Variants in HSD17B4 observed in about 807,000 individuals in gnomAD.
HSD17B4 encodes peroxisomal multifunctional enzyme type 2.
A neutral mutation model predicts 101.0 loss-of-function variants in HSD17B4; 70 were observed. The observed-to-expected ratio is 0.69, with a 90% CI of 0.57 to 0.85. The LOEUF (loss-of-function observed/expected upper bound fraction) is 0.85, where lower values mean the gene tolerates loss of function less well. Ranked by LOEUF, HSD17B4 falls within the 40% of genes least tolerant of loss-of-function variation. HSD17B4 has a pLI of 0.00. For missense variants in HSD17B4, 984 were observed against 892.4 expected (o/e 1.10, Z -1.31); for synonymous variants, 347 against 297.1 (o/e 1.17, Z -1.73).
intron 16 of HSD17B4, among the ~76,000 whole-genome samples, chr5:119,510,223 A>G (rs1007136921): frequency 3.9e-5 from 6 of 152,154 alleles, no homozygotes; most frequent in Admixed American, 1.3e-4. Flanking sequence ...AATTATGGGA[A>G]TATTTGTTAT....
rs1406515288 is a variant in HSD17B4, at chr5:119,452,827, G to T, written c.58+194G>T. ...ACACCTGGTCTCTCAAGCAGGTACA[G>T]CCCGCTTCTCCCCAGCACCCCGGTG... is the stretch of plus-strand genomic sequence containing the variant. On this transcript the variant is annotated intron_variant, in intron 1 of 23. Transcript: ENST00000510025. The T allele has an allele frequency of 2.6e-6, 4 of 1,535,990 alleles. No homozygotes were observed. The highest frequency in any genetic ancestry group is 3.5e-6 in the Non-Finnish European group (4 of 1,147,032).
intron 17 of HSD17B4, among the ~76,000 whole-genome samples, chr5:119,519,760 C>G (rs1273969057): frequency 6.6e-6 from 1 of 152,190 alleles, no homozygotes; most frequent in Non-Finnish European, 1.5e-5. Context: ...GAAAGCAACA[C>G]AAGCATTCAT....
intron 12 of HSD17B4, among the ~76,000 whole-genome samples, chr5:119,497,607 T>G (rs1750764505): frequency 6.6e-6 from 1 of 152,178 alleles, no homozygotes; most frequent in Admixed American, 6.5e-5. Flanking sequence ...CTAATGCCCA[T>G]AAGGCTTTAA....
At chr5:119,537,857 T>G (rs1754661470) in intron 23 of HSD17B4, among the ~76,000 whole-genome samples, 1 of 152,064 alleles carries the variant, frequency 6.6e-6, no homozygotes, top group Non-Finnish European at 1.5e-5. Flanking sequence ...TGCCAACCCT[T>G]GAGTTAGAAT....
chr5:119,529,772 A>G, intron 20 of HSD17B4, 122 bp from the exon 21 acceptor site: 1 of 662,458 alleles, frequency 1.5e-6, no homozygotes, highest in Non-Finnish European at 2.7e-6. Context: ...TTTTATCTGG[A>G]TTATTATATT....
chr5:119,469,079 G>GATATAT (rs1179855859), intron 2 of HSD17B4, among the ~76,000 whole-genome samples: 1 of 150,300 alleles, frequency 6.7e-6, no homozygotes, highest in South Asian at 2.1e-4. Context: ...TTTTTTTAAT[G>GATATAT]ATATATATAT....
At chr5:119,480,862 T>C (rs965432599) in intron 8 of HSD17B4, among the ~76,000 whole-genome samples, 1 of 152,172 alleles carries the variant, frequency 6.6e-6, no homozygotes, top group African/African-American at 2.4e-5. Context: ...CGTTCCATGC[T>C]GAGAAAAAGA....
intron 2 of HSD17B4, among the ~76,000 whole-genome samples, chr5:119,458,257 A>T (rs374366440): frequency 6.6e-5 from 10 of 152,120 alleles, no homozygotes; most frequent in African/African-American, 2.4e-4. Context: ...GATGTTTTCT[A>T]TTCCTTTTTA....
At chr5:119,467,724 G>A (rs1580529325) in intron 2 of HSD17B4, among the ~76,000 whole-genome samples, 5 of 152,140 alleles carry the variant, frequency 3.3e-5, no homozygotes, top group Admixed American at 3.3e-4. Flanking sequence ...TGCATATATG[G>A]AGGGCCTACT....
chr5:119,463,477 A>G (rs899421647), intron 2 of HSD17B4, among the ~76,000 whole-genome samples: 11 of 149,950 alleles, frequency 7.3e-5, no homozygotes, highest in African/African-American at 2.7e-4. Flanking sequence ...TCCACCAATA[A>G]TATATGAGAG....
In HSD17B4 at chr5:119,542,072, A is replaced by C. The variant is rs559940181; in HGVS notation, c.*78A>C. On this transcript the variant is annotated 3_prime_UTR_variant, in exon 24 of 24. Coordinates refer to ENST00000510025, the MANE Select transcript of HSD17B4 (RefSeq NM_000414.4). ...CAAATATGCTTGATTATTCTGCAAA[A>C]GTGATTAGAACTAAGATGCAGGGGA... is the stretch of plus-strand genomic sequence containing the variant. 8 of 968,590 alleles carry C rather than the reference A, an allele frequency of 8.3e-6. No individual in the cohort carries two copies. The South Asian group carries it at 1.1e-4, about 13-fold the overall frequency. The allele number at this position is 968,590 out of a possible 1,614,324, so 60.0% of individuals were successfully genotyped here. A position where few individuals can be genotyped will look rare whatever the true frequency, so the allele number is the denominator to read the frequency against.
chr5:119,454,654 C>A (rs1754413707), intron 1 of HSD17B4, among the ~76,000 whole-genome samples: 1 of 150,920 alleles, frequency 6.6e-6, no homozygotes, highest in Admixed American at 6.6e-5. Context: ...GGGAGTTTTG[C>A]TCTGTTGCCG....
At chr5:119,527,084 A>G (rs751158934) in intron 19 of HSD17B4, 49 bp from the exon 20 acceptor site, 5 of 1,140,692 alleles carry the variant, frequency 4.4e-6, no homozygotes, top group Non-Finnish European at 5.3e-6. Context: ...CCTACAAGTA[A>G]AAGAGTTTCC....
At chr5:119,541,270 C>T (rs1215126916) in intron 23 of HSD17B4, among the ~76,000 whole-genome samples, 1 of 152,134 alleles carries the variant, frequency 6.6e-6, no homozygotes, top group Non-Finnish European at 1.5e-5. Context: ...GCACTCTACA[C>T]ATTACTTTAT....
Position 119,473,791 on chromosome 5 carries a change from C to G in HSD17B4, c.113-117C>G, listed in dbSNP as rs188686261. 3.9e-3 allele frequency: 2,813 copies of G among 728,786 alleles called. 81 individuals are homozygous for G. The South Asian group carries it at 0.039, about 10-fold the overall frequency. The allele number at this position is 728,786 out of a possible 1,614,324, so 45.1% of individuals were successfully genotyped here. On this transcript the variant is annotated intron_variant, in intron 2 of 23. Transcript: ENST00000510025. The stretch of plus-strand genomic sequence containing the variant: ...TAAGATGGGATAGGGTAGGAAGGAA[C>G]TGGGCAGATGACTGAAGAGATGTGC...
chr5:119,488,124 GAC>G (rs1169963568), intron 8 of HSD17B4, among the ~76,000 whole-genome samples: 10 of 152,162 alleles, frequency 6.6e-5, no homozygotes, highest in African/African-American at 2.4e-4. Context: ...TGATTTGTAA[GAC>G]ACAAATTGTA....
chr5:119,463,264 C>T (rs1414060097), intron 2 of HSD17B4, among the ~76,000 whole-genome samples: 6 of 152,080 alleles, frequency 3.9e-5, no homozygotes, highest in Non-Finnish European at 7.4e-5. Context: ...TGTTGATGAA[C>T]GCTTAGGCCG....
At position 119,502,042 on chromosome 5, in the gene HSD17B4, T is replaced by A. The variant is rs1312702831; in HGVS notation, c.1211T>A (p.Val404Asp). 1 of 1,602,690 alleles carries A rather than the reference T, an allele frequency of 6.2e-7. No homozygotes were observed. Among genetic ancestry groups the A allele is most frequent in the African/African-American group, 1.3e-5 (1 of 74,774 alleles). Reference protein sequence around the residue: ...IPGLSINFAKVLHGEQYLELY... With the variant: ...IPGLSINFAKDLHGEQYLELY... ...AAAATTTTGTTTACCCTAACATAGG[T>A]TCTTCATGGAGAGCAGTACTTAGAG... Residue 404 changes from valine (V) to aspartate (D), a missense_variant and splice_region_variant, in exon 14 of 24, where the codon GTT becomes GAT. Physicochemically the swap from Val to Asp is radical, Grantham distance 152 (BLOSUM62 -3). Transcript: ENST00000510025.
intron 20 of HSD17B4, among the ~76,000 whole-genome samples, chr5:119,527,803 A>G (rs193062729): frequency 4.6e-4 from 70 of 152,268 alleles, no homozygotes; most frequent in Admixed American, 7.2e-4. Flanking sequence ...GACAGAAATC[A>G]TATGCATCTT....
Sources: allele counts gnomAD v4.1 joint callset (sites outside exome capture counted in the v4.1 genomes callset), GRCh38; gene constraint gnomAD v4.1.1; transcripts MANE v1.5; gene names NCBI Gene and HGNC (gene_info 2026-07-23, HGNC 2026-07-21).